Variants in TSHZ3 observed in about 807,000 individuals in gnomAD.
TSHZ3 encodes the protein teashirt zinc finger homeobox 3.
In TSHZ3, 10 loss-of-function variants were observed where a neutral mutation model predicts 64.5. The observed-to-expected ratio is 0.16, with a 90% CI of 0.10 to 0.26. TSHZ3 has a LOEUF of 0.26. Among genes scored for constraint, TSHZ3 ranks in the 10% least tolerant of loss-of-function variants. TSHZ3 has a pLI of 1.00. For missense variants in TSHZ3, 1,242 were observed against 1,421.7 expected (o/e 0.87, Z 2.03); for synonymous variants, 608 against 593.1 (o/e 1.03, Z -0.36).
chr19:31,180,978 T>C (rs948340991), intron 5 of TSHZ3, among the ~76,000 whole-genome samples: 1 of 152,178 alleles, frequency 6.6e-6, no homozygotes, highest in African/African-American at 2.4e-5. Context: ...TTTCAGTATA[T>C]GCAGAACATC....
intron 1 of TSHZ3, among the ~76,000 whole-genome samples, chr19:31,265,632 C>G (rs1168498815): frequency 9.9e-5 from 15 of 152,186 alleles, no homozygotes; most frequent in Admixed American, 9.8e-4. Flanking sequence ...CCTACCAGCC[C>G]TTTGCATCCC....
intron 5 of TSHZ3, among the ~76,000 whole-genome samples, chr19:31,170,098 G>C (rs1195979988): frequency 6.6e-6 from 1 of 152,204 alleles, no homozygotes; most frequent in African/African-American, 2.4e-5. Context: ...AAACTAGCAA[G>C]AAGGTCACTG....
intron 3 of TSHZ3, among the ~76,000 whole-genome samples, chr19:31,233,372 C>T (rs573399732): frequency 2.1e-4 from 32 of 152,320 alleles, no homozygotes; most frequent in African/African-American, 7.2e-4. Context: ...TTCATTCACT[C>T]ATTGGCCAAT....
intron 4 of TSHZ3, among the ~76,000 whole-genome samples, chr19:31,217,726 A>G (rs1322903360): frequency 2.0e-5 from 3 of 152,222 alleles, no homozygotes; most frequent in Non-Finnish European, 4.4e-5. Flanking sequence ...AGATCAATGC[A>G]TAATGGCATG....
At chr19:31,257,951 G>A (rs1410177653) in intron 1 of TSHZ3, among the ~76,000 whole-genome samples, 1 of 152,202 alleles carries the variant, frequency 6.6e-6, no homozygotes, top group South Asian at 2.1e-4. Context: ...AAGCATTCCA[G>A]GGCAAGTAAC....
intron 1 of TSHZ3, among the ~76,000 whole-genome samples, chr19:31,258,446 G>A (rs923815298): frequency 3.3e-5 from 5 of 152,196 alleles, no homozygotes; most frequent in South Asian, 2.1e-4. Context: ...CTCAACCCGG[G>A]AAATCGCCCT....
At chr19:31,301,502 G>A (rs988588663) in intron 1 of TSHZ3, among the ~76,000 whole-genome samples, 1 of 152,160 alleles carries the variant, frequency 6.6e-6, no homozygotes, top group Non-Finnish European at 1.5e-5. Context: ...TGGCAACATG[G>A]ACATAACCAA....
intron 4 of TSHZ3, among the ~76,000 whole-genome samples, chr19:31,206,122 TG>T (rs1975168192): frequency 6.6e-6 from 1 of 150,986 alleles, no homozygotes; most frequent in African/African-American, 2.4e-5. Context: ...GATGGATGGA[TG>T]GATGGATAAA....
intron 5 of TSHZ3, among the ~76,000 whole-genome samples, chr19:31,201,321 T>C (rs1975083852): frequency 6.6e-6 from 1 of 152,178 alleles, no homozygotes; most frequent in Admixed American, 6.5e-5. Context: ...AATCTCTTCG[T>C]GTTGATTAAA....
At chr19:31,255,915 A>G (rs1975903667) in intron 1 of TSHZ3, among the ~76,000 whole-genome samples, 1 of 152,110 alleles carries the variant, frequency 6.6e-6, no homozygotes, top group African/African-American at 2.4e-5. Context: ...CTTGGGAAGA[A>G]GCTCAATGTT....
At position 31,276,456 on chromosome 19, in the gene TSHZ3, G is replaced by A. The variant is rs931589326; in HGVS notation, c.*91C>T. On this transcript the variant is annotated 3_prime_UTR_variant, in exon 2 of 2. Transcript: ENST00000240587. ...TTCTCTGCAGTTAAAATAAGAACAT[G>A]TGCCAAGAACAACAAGTCAGAGGGG... 8.2e-7 allele frequency: 1 copy of A among 1,223,152 alleles called. No individual in the cohort carries two copies. The highest frequency in any genetic ancestry group is 1.1e-6 in the Non-Finnish European group (1 of 870,422). 75.8% of individuals were successfully genotyped at this position (1,223,152 alleles called of 1,614,324 possible). A position where few individuals can be genotyped will look rare whatever the true frequency, so the allele number is the denominator to read the frequency against.
chr19:31,310,577 G>T (rs923803870), intron 1 of TSHZ3, among the ~76,000 whole-genome samples: 6 of 152,098 alleles, frequency 3.9e-5, no homozygotes, highest in African/African-American at 1.4e-4. Flanking sequence ...TTCAGGCACA[G>T]AATTCAGAAT....
chr19:31,225,781 C>G (rs1214575317), intron 4 of TSHZ3, among the ~76,000 whole-genome samples: 1 of 152,156 alleles, frequency 6.6e-6, no homozygotes, highest in Non-Finnish European at 1.5e-5. Flanking sequence ...TGCTCTCACT[C>G]ATTTTCCTCC....
At chr19:31,323,316 C>A (rs1916830697) in intron 1 of TSHZ3, among the ~76,000 whole-genome samples, 1 of 152,156 alleles carries the variant, frequency 6.6e-6, no homozygotes, top group Admixed American at 6.5e-5. Context: ...GCATGGCATT[C>A]AGCACTCTTT....
chr19:31,209,918 T>C (rs1382649017), intron 4 of TSHZ3, among the ~76,000 whole-genome samples: 2 of 151,330 alleles, frequency 1.3e-5, no homozygotes, highest in Non-Finnish European at 2.9e-5. Context: ...GGGTGGGGGG[T>C]TCAAGTCTAG....
intron 1 of TSHZ3, chr19:31,308,728 AG>A (rs1248935243): frequency 2.5e-6 from 1 of 398,562 alleles, no homozygotes; most frequent in African/African-American, 2.1e-5. Flanking sequence ...AGAGAAAAAC[AG>A]GGACACACCG....
intron 3 of TSHZ3, among the ~76,000 whole-genome samples, chr19:31,236,286 C>A (rs898834331): frequency 2.6e-5 from 4 of 152,166 alleles, no homozygotes; most frequent in African/African-American, 9.7e-5. Flanking sequence ...TTCTCCATAT[C>A]CTCATCAACA....
At chr19:31,340,457 T>C (rs1917398934) in intron 1 of TSHZ3, among the ~76,000 whole-genome samples, 1 of 136,792 alleles carries the variant, frequency 7.3e-6, no homozygotes, top group Admixed American at 7.7e-5. Flanking sequence ...CATCTGAAAC[T>C]GATCAAGAAC....
chr19:31,161,556 G>A (rs1314351252), intron 5 of TSHZ3, among the ~76,000 whole-genome samples: 1 of 152,068 alleles, frequency 6.6e-6, no homozygotes, highest in African/African-American at 2.4e-5. Flanking sequence ...ACCTCCCTTA[G>A]GCACACACAA....
Sources: allele counts gnomAD v4.1 joint callset (sites outside exome capture counted in the v4.1 genomes callset), GRCh38; gene constraint gnomAD v4.1.1; transcripts MANE v1.5; gene names NCBI Gene and HGNC (gene_info 2026-07-23, HGNC 2026-07-21).